Variants in NCAPG observed in about 807,000 individuals in gnomAD.
NCAPG encodes non-SMC condensin I complex subunit G.
In NCAPG, 69 loss-of-function variants were observed where a neutral mutation model predicts 113.1. The ratio of observed to expected loss-of-function variants is 0.61; its 90% CI spans 0.50 to 0.75. The LOEUF (loss-of-function observed/expected upper bound fraction) is 0.75, where lower values mean the gene tolerates loss of function less well. NCAPG is among the 30% of genes least tolerant of loss of function. NCAPG has a pLI of 0.00. For synonymous variants in NCAPG, 370 were observed against 415.8 expected (o/e 0.89, Z 1.34); for missense variants, 1,058 against 1,177.0 (o/e 0.90, Z 1.48).
intron 19 of NCAPG, 108 bp downstream of exon 19, chr4:17,840,801 A>AT (rs72292039): frequency 2.1e-5 from 12 of 575,962 alleles, no homozygotes; most frequent in South Asian, 7.2e-5. Flanking sequence ...AGGGATAAAG[A>AT]TTTTTTTTAA....
rs1722248893 is a variant in NCAPG at position 17,839,613 on chromosome 4, G to A, written c.2467-63G>A. 4 of 1,178,344 alleles carry A rather than the reference G, an allele frequency of 3.4e-6. No homozygotes were observed. The South Asian group carries it at 6.2e-5, about 18-fold the overall frequency. 73.0% of individuals were successfully genotyped at this position (1,178,344 alleles called of 1,614,324 possible). On this transcript the variant is annotated intron_variant, in intron 16 of 20. Transcript: ENST00000251496. ...TTAGTTGGAAATATTTGTTAGATGT[G>A]TAAGACTATATAATAATCATAATCA...
At chr4:17,837,375 T>C (rs1228280697) in intron 15 of NCAPG, 35 bp downstream of exon 15, 3 of 1,562,976 alleles carry the variant, frequency 1.9e-6, no homozygotes, top group South Asian at 1.2e-5. Flanking sequence ...AAAATCTGAC[T>C]TGACATCAAA....
intron 18 of NCAPG, 131 bp from the exon 19 acceptor site, chr4:17,840,476 A>T: frequency 1.6e-6 from 1 of 622,384 alleles, no homozygotes; most frequent in Non-Finnish European, 2.4e-6. Flanking sequence ...CGAAAGGGTG[A>T]TTTATAACTT....
rs766117163 is a variant in NCAPG at position 17,840,131 on chromosome 4, G to A, written c.2689G>A (p.Gly897Arg). Residue 897 changes from glycine (G) to arginine (R), a missense_variant, in exon 18 of 21, where the codon GGA becomes AGA. Gly to Arg is a moderately radical substitution (Grantham distance 125, BLOSUM62 -2). Coordinates refer to ENST00000251496, the MANE Select transcript of NCAPG (RefSeq NM_022346.5). ...LEKIKIQLEK[G>R]NKEFGDQAEA... The stretch of plus-strand genomic sequence containing the variant: ...GAAAATCAAGATTCAGTTAGAAAAA[G>A]GAAATAAAGAATTTGGTGACCAAGC... 9 of 1,612,090 alleles carry A rather than the reference G, an allele frequency of 5.6e-6. No individual in the cohort carries two copies. In the East Asian group the frequency reaches 2.0e-4, roughly 36 times the overall value.
intron 13 of NCAPG, among the ~76,000 whole-genome samples, chr4:17,832,712 C>T (rs565391605): frequency 6.6e-6 from 1 of 152,026 alleles, no homozygotes; most frequent in Non-Finnish European, 1.5e-5. Context: ...TGAGTATAGA[C>T]TGAATGAGTG....
At position 17,844,154 on chromosome 4, in the gene NCAPG, A is replaced by T. The variant is rs1297461367; in HGVS notation, c.*729A>T. ...ATAATATTTATTTACTGTGGATAAT[A>T]ATTCTAGTGGGAATATAATGTGACA... is the stretch of plus-strand genomic sequence containing the variant. On this transcript the variant is annotated 3_prime_UTR_variant, in exon 21 of 21. Coordinates refer to ENST00000251496, the MANE Select transcript of NCAPG (RefSeq NM_022346.5). The T allele has an allele frequency of 6.6e-6, 1 of 152,040 alleles. No homozygotes were observed. Among genetic ancestry groups the T allele is most frequent in the Non-Finnish European group, 1.5e-5 (1 of 67,862 alleles). The allele number at this position is 152,040 out of a possible 1,614,324, so 9.4% of individuals were successfully genotyped here. A position where few individuals can be genotyped will look rare whatever the true frequency, so the allele number is the denominator to read the frequency against.
chr4:17,834,458 G>T lies in NCAPG; in HGVS notation c.2044G>T (p.Glu682Ter). Residue 682 changes from glutamate to a stop codon, truncating the protein, a stop_gained, in exon 14 of 21, where the codon GAA becomes TAA. Transcript: ENST00000251496. LOFTEE classifies it high-confidence loss of function. ...INSDDEQESKEVEETATAKNV... is the reference protein window; with the variant it reads ...INSDDEQESK ...CAGTGATGATGAGCAAGAATCAAAAGAAGTTGAAGAGACTGCTACAGCTAA... is the reference window on the plus strand; with the variant it reads ...CAGTGATGATGAGCAAGAATCAAAATAAGTTGAAGAGACTGCTACAGCTAA... 3 of 1,610,702 alleles carry T rather than the reference G, an allele frequency of 1.9e-6. No individual in the cohort carries two copies. The highest frequency in any genetic ancestry group is 2.5e-6 in the Non-Finnish European group (3 of 1,178,320).
intron 12 of NCAPG, among the ~76,000 whole-genome samples, chr4:17,828,863 A>C (rs1281908185): frequency 6.6e-6 from 1 of 151,904 alleles, no homozygotes; most frequent in African/African-American, 2.4e-5. Flanking sequence ...CTTTCTGATA[A>C]GGAATATAGT....
intron 6 of NCAPG, 97 bp downstream of exon 6, chr4:17,817,550 C>A (rs1577334187): frequency 1.1e-6 from 1 of 922,072 alleles, no homozygotes; most frequent in East Asian, 2.5e-5. Context: ...ATATTAATAC[C>A]TTTAATCTTA....
intron 17 of NCAPG, 85 bp downstream of exon 17, chr4:17,839,922 A>G (rs1722276546): frequency 1.4e-6 from 2 of 1,442,074 alleles, no homozygotes; most frequent in Non-Finnish European, 9.3e-7. Context: ...GATTATACAT[A>G]TGTTAGCATA....
intron 7 of NCAPG, among the ~76,000 whole-genome samples, chr4:17,820,886 A>G (rs1338595968): frequency 2.0e-5 from 3 of 152,344 alleles, no homozygotes; most frequent in African/African-American, 7.2e-5. Flanking sequence ...CGAGGAAATG[A>G]GGATTATCAA....
At chr4:17,840,577 T>C in intron 18 of NCAPG, 30 bp from the exon 19 acceptor site, 1 of 1,237,134 alleles carries the variant, frequency 8.1e-7, no homozygotes, top group Non-Finnish European at 1.1e-6. Flanking sequence ...GGTTATCTTA[T>C]TTATATTGTT....
At chr4:17,831,947 G>C (rs2109059211) in intron 13 of NCAPG, among the ~76,000 whole-genome samples, 1 of 152,206 alleles carries the variant, frequency 6.6e-6, no homozygotes. Context: ...TTGTGTACAG[G>C]GCCAGAGAGT....
rs1235548244 is a variant in NCAPG at position 17,830,986 on chromosome 4, A to G, written c.1765-11A>G. On this transcript the variant is annotated splice_polypyrimidine_tract_variant and intron_variant, in intron 12 of 20. Transcript: ENST00000251496. ...TATGAAATCATATGGAAAATTTCTG[A>G]TTCATTTTAGATTCTTCCTGGAATA... 1 of 1,607,500 alleles carries G rather than the reference A, an allele frequency of 6.2e-7. No homozygotes were observed. The highest frequency in any genetic ancestry group is 1.7e-5 in the Admixed American group (1 of 58,874).
intron 3 of NCAPG, among the ~76,000 whole-genome samples, chr4:17,813,586 C>T (rs1225255810): frequency 6.6e-6 from 1 of 151,950 alleles, no homozygotes; most frequent in Non-Finnish European, 1.5e-5. Flanking sequence ...TTAAAAAATT[C>T]ATTTGCATTC....
Position 17,843,619 on chromosome 4 carries a change from A to AG in NCAPG, c.*194_*195insG. 1 of 452,388 alleles carries AG rather than the reference A, an allele frequency of 2.2e-6. No individual in the cohort carries two copies. Among genetic ancestry groups the AG allele is most frequent in the Admixed American group, 3.6e-5 (1 of 27,924 alleles). 28.0% of individuals were successfully genotyped at this position (452,388 alleles called of 1,614,324 possible). ...TTATTATAGTCCAGAAAAAGTGTGC[A>AG]TCAGTCAGTCACACAGATTTATCAC... On this transcript the variant is annotated 3_prime_UTR_variant, in exon 21 of 21. Coordinates refer to ENST00000251496, the MANE Select transcript of NCAPG (RefSeq NM_022346.5).
rs147586213 is a variant in NCAPG at position 17,828,466 on chromosome 4, A to C, written c.1764+78A>C. On this transcript the variant is annotated intron_variant, in intron 12 of 20. Coordinates refer to ENST00000251496, the MANE Select transcript of NCAPG (RefSeq NM_022346.5). ...TAAGTGATATGTTCTTTAGAAATCA[A>C]AATAATGAAAAGATTACTGTCTTAA... 6.9e-6 allele frequency: 5 copies of C among 728,788 alleles called. No homozygotes were observed. In the East Asian group the frequency reaches 1.1e-4, roughly 16 times the overall value. 45.1% of individuals were successfully genotyped at this position (728,788 alleles called of 1,614,324 possible). A position where few individuals can be genotyped will look rare whatever the true frequency, so the allele number is the denominator to read the frequency against.
intron 7 of NCAPG, among the ~76,000 whole-genome samples, chr4:17,820,876 C>G (rs934129157): frequency 5.9e-5 from 9 of 151,952 alleles, no homozygotes; most frequent in Non-Finnish European, 1.2e-4. Context: ...AAAGAGCAAA[C>G]GAGGAAATGA....
intron 13 of NCAPG, among the ~76,000 whole-genome samples, chr4:17,831,556 A>C (rs1426436668): frequency 6.6e-6 from 1 of 152,118 alleles, no homozygotes; most frequent in Non-Finnish European, 1.5e-5. Flanking sequence ...GAGGAGAGGG[A>C]ACTGTTTGGT....
Sources: gnomAD v4.1 joint callset for allele counts (sites outside exome capture counted in the v4.1 genomes callset) on GRCh38, gnomAD v4.1.1 for gene constraint, MANE v1.5 for transcripts, NCBI Gene and HGNC (gene_info 2026-07-23, HGNC 2026-07-21) for gene names.